The following DDX39A variants were observed in gnomAD, a reference collection of about 807,000 sequenced individuals.
DDX39A encodes DExD-box helicase 39A.
DDX39A carries 13 observed loss-of-function variants against 46.3 expected under a neutral mutation model. The ratio of observed to expected loss-of-function variants is 0.28; its 90% CI spans 0.18 to 0.45. The LOEUF (loss-of-function observed/expected upper bound fraction) is 0.45, where lower values mean the gene tolerates loss of function less well. DDX39A is among the 20% of genes least tolerant of loss of function. The pLI, the probability that DDX39A is intolerant of heterozygous loss-of-function variation, is 1.00. For synonymous variants in DDX39A, 234 were observed against 224.6 expected (o/e 1.04, Z -0.38); for missense variants, 352 against 581.8 (o/e 0.61, Z 4.06).
chr19:14,410,159 G>A lies in DDX39A; in HGVS notation c.732+57C>T, dbSNP rs1420394725. The A allele has an allele frequency of 1.0e-5, 16 of 1,527,536 alleles. No homozygotes were observed. The allele number at this position is 1,527,536 out of a possible 1,614,324, so 94.6% of individuals were successfully genotyped here. A position where few individuals can be genotyped will look rare whatever the true frequency, so the allele number is the denominator to read the frequency against. The stretch of plus-strand genomic sequence containing the variant: ...CATGTGGGCCGTGCGGGTGTCCTGG[G>A]GCCCCAGGCTCCAGGCCCCTGGGGA... On this transcript the variant is annotated intron_variant, in intron 6 of 10. Transcript: ENST00000242776. This position sits in a 1 kb window ranked among gnomAD's most constrained non-coding sequence, Gnocchi z 4.3.
intron 1 of DDX39A, among the ~76,000 whole-genome samples, chr19:14,414,700 C>T (rs755161635): frequency 5.3e-5 from 8 of 150,512 alleles, no homozygotes; most frequent in South Asian, 2.1e-4. Flanking sequence ...CGGTGGCTCA[C>T]GCCTGTAATC....
Position 14,410,035 on chromosome 19 carries a change from C to G in DDX39A, c.733-162G>C. Reference sequence around the variant, plus strand: ...CTCAAAAGCTGGATGTAAGCTCTGGCCCGACTCAGGTGTGGACCAAGCTTG... The same window carrying G: ...CTCAAAAGCTGGATGTAAGCTCTGGGCCGACTCAGGTGTGGACCAAGCTTG... On this transcript the variant is annotated intron_variant, in intron 6 of 10. Transcript: ENST00000242776. This position sits in a 1 kb window ranked among gnomAD's most constrained non-coding sequence, Gnocchi z 4.3. 9.0e-7 allele frequency: 1 copy of G among 1,113,134 alleles called. No homozygotes were observed. Among genetic ancestry groups the G allele is most frequent in the Non-Finnish European group, 1.3e-6 (1 of 742,388 alleles). The allele number at this position is 1,113,134 out of a possible 1,614,324, so 69.0% of individuals were successfully genotyped here. A position where few individuals can be genotyped will look rare whatever the true frequency, so the allele number is the denominator to read the frequency against.
Position 14,410,348 on chromosome 19 carries a change from G to A in DDX39A, c.614-14C>T. 6.2e-7 allele frequency: 1 copy of A among 1,608,822 alleles called. No individual in the cohort carries two copies. The highest frequency in any genetic ancestry group is 8.5e-7 in the Non-Finnish European group (1 of 1,175,300). ...CCCGCCGCATGTCTAGGTGGGGAGG[G>A]CAAGACATGGGTGGGCATGAGCGTC... On this transcript the variant is annotated splice_polypyrimidine_tract_variant and intron_variant, in intron 5 of 10. Coordinates refer to ENST00000242776, the MANE Select transcript of DDX39A (RefSeq NM_005804.4). This position sits in a 1 kb window ranked among gnomAD's most constrained non-coding sequence, Gnocchi z 4.3.
Position 14,413,283 on chromosome 19 carries a change from TTC to T in DDX39A, c.-4-61_-4-60del, listed in dbSNP as rs1451383303. On this transcript the variant is annotated intron_variant, in intron 1 of 10. Coordinates refer to ENST00000242776, the MANE Select transcript of DDX39A (RefSeq NM_005804.4). ...GGCACAGAAGGATGATGAAGCTTCA[TTC>T]AAATGGCATTCTCTGCCGCCTCCTT... 1.4e-5 allele frequency: 20 copies of T among 1,477,310 alleles called. No individual in the cohort carries two copies. In the East Asian group the frequency reaches 4.6e-4, roughly 34 times the overall value. The allele number at this position is 1,477,310 out of a possible 1,614,324, so 91.5% of individuals were successfully genotyped here. A position where few individuals can be genotyped will look rare whatever the true frequency, so the allele number is the denominator to read the frequency against.
chr19:14,408,997 C>A (rs1359810221), intron 10 of DDX39A, 40 bp downstream of exon 10: 1 of 1,612,598 alleles, frequency 6.2e-7, no homozygotes, highest in Non-Finnish European at 8.5e-7. Context: ...GGGGGAGGAA[C>A]CCTCTGCCCC....
chr19:14,410,559 G>A lies in DDX39A; in HGVS notation c.614-225C>T, dbSNP rs1370281025. On this transcript the variant is annotated intron_variant, in intron 5 of 10. Coordinates refer to ENST00000242776, the MANE Select transcript of DDX39A (RefSeq NM_005804.4). This position sits in a 1 kb window ranked among gnomAD's most constrained non-coding sequence, Gnocchi z 4.3. ...TGCAATCCACTTACACGCTGGCGCG[G>A]AGCAGCCGTGCCCGTGCGCCTCGAG... 1.8e-6 allele frequency: 1 copy of A among 568,664 alleles called. No individual in the cohort carries two copies. The highest frequency in any genetic ancestry group is 3.2e-6 in the Non-Finnish European group (1 of 315,162). The allele number at this position is 568,664 out of a possible 1,614,324, so 35.2% of individuals were successfully genotyped here. A position where few individuals can be genotyped will look rare whatever the true frequency, so the allele number is the denominator to read the frequency against.
intron 1 of DDX39A, chr19:14,414,131 C>T (rs1238630524): frequency 6.6e-6 from 1 of 152,076 alleles, no homozygotes; most frequent in Non-Finnish European, 1.5e-5. Context: ...CTTCCTGAGG[C>T]TGGATGCTGA....
intron 1 of DDX39A, among the ~76,000 whole-genome samples, chr19:14,418,600 G>A (rs996728542): frequency 1.3e-5 from 2 of 151,890 alleles, no homozygotes; most frequent in Non-Finnish European, 2.9e-5. Flanking sequence ...TGGGACCACA[G>A]GCGCTCGCCA....
In DDX39A at chr19:14,409,874, CTG is replaced by C; in HGVS notation, c.733-3_733-2del. The C allele has an allele frequency of 6.2e-7, 1 of 1,613,844 alleles. No homozygotes were observed. Among genetic ancestry groups the C allele is most frequent in the South Asian group, 1.1e-5 (1 of 91,074 alleles). On this transcript the variant is annotated splice_acceptor_variant and splice_polypyrimidine_tract_variant and intron_variant, in intron 6 of 10. Transcript: ENST00000242776. LOFTEE classifies it high-confidence loss of function. This position sits in a 1 kb window ranked among gnomAD's most constrained non-coding sequence, Gnocchi z 8.3. ...CGTCGTCCACAAACACCTCCATGGGCTGTGTGGGAAGGGAGGTGGGAGGGGCG... is the reference window on the plus strand; with the variant it reads ...CGTCGTCCACAAACACCTCCATGGGCTGTGGGAAGGGAGGTGGGAGGGGCG...
rs1976653545 is a variant in DDX39A at position 14,412,941 on chromosome 19, C to T, written c.208+72G>A. The T allele has an allele frequency of 9.9e-6, 15 of 1,522,290 alleles. No homozygotes were observed. The highest frequency in any genetic ancestry group is 1.8e-4 in the Middle Eastern group (1 of 5,706). 94.3% of individuals were successfully genotyped at this position (1,522,290 alleles called of 1,614,324 possible). On this transcript the variant is annotated intron_variant, in intron 2 of 10. Coordinates refer to ENST00000242776, the MANE Select transcript of DDX39A (RefSeq NM_005804.4). The surrounding 1 kb of genome is among the most constrained non-coding windows in gnomAD (Gnocchi z 4.4). ...ACCCACGGCAAACTGGAGGCGGCAC[C>T]GCTCTGGGCGGGCAGGGCTGGTCTT...
chr19:14,418,056 G>C (rs777606497), intron 1 of DDX39A, among the ~76,000 whole-genome samples: 3 of 147,660 alleles, frequency 2.0e-5, no homozygotes, highest in Non-Finnish European at 4.5e-5. Context: ...GGAAGACGGA[G>C]GCTGCAGTGA....
At position 14,409,757 on chromosome 19, in the gene DDX39A, C is replaced by T. The variant is rs1976487090; in HGVS notation, c.849G>A (p.Val283=). The T allele has an allele frequency of 6.2e-7, 1 of 1,614,180 alleles. No individual in the cohort carries two copies. Among genetic ancestry groups the T allele is most frequent in the Non-Finnish European group, 8.5e-7 (1 of 1,180,036 alleles). Reference sequence around the variant, plus strand: ...GAAGTATCACCTGGTTAAACTCCAGCACATCCAAGAGATCAAAGAGCTTGC... The same window carrying T: ...GAAGTATCACCTGGTTAAACTCCAGTACATCCAAGAGATCAAAGAGCTTGC... ...KNRKLFDLLD[V]LEFNQVIIFV... is the part of the protein sequence containing the mutation. Residue 283 remains valine, a synonymous_variant, in exon 7 of 11, where the codon GTG becomes GTA. Coordinates refer to ENST00000242776, the MANE Select transcript of DDX39A (RefSeq NM_005804.4). The surrounding 1 kb of genome is among the most constrained non-coding windows in gnomAD (Gnocchi z 8.3).
chr19:14,414,367 ATTATTG>A (rs1568329275), intron 1 of DDX39A, among the ~76,000 whole-genome samples: 2 of 138,756 alleles, frequency 1.4e-5, no homozygotes, highest in East Asian at 4.0e-4. Context: ...TATTATTATT[ATTATTG>A]AGATGAAGTC....
Position 14,408,806 on chromosome 19 carries a change from G to A in DDX39A, c.*130C>T. On this transcript the variant is annotated 3_prime_UTR_variant, in exon 11 of 11. Transcript: ENST00000242776. ...CCAAGATGACCAAGAAATAGATGGG[G>A]TGGGAGCCAGGCTTCCATAATAACA... The A allele has an allele frequency of 7.4e-7, 1 of 1,355,320 alleles. No homozygotes were observed. The highest frequency in any genetic ancestry group is 1.5e-5 in the South Asian group (1 of 64,768). The allele number at this position is 1,355,320 out of a possible 1,614,324, so 84.0% of individuals were successfully genotyped here.
In DDX39A at chr19:14,409,249, C is replaced by A. The variant is rs992761315; in HGVS notation, c.1119+54G>T. 14 of 1,612,762 alleles carry A rather than the reference C, an allele frequency of 8.7e-6. No homozygotes were observed. Among genetic ancestry groups the A allele is most frequent in the African/African-American group, 6.7e-5 (5 of 74,926 alleles). On this transcript the variant is annotated intron_variant, in intron 9 of 10. Coordinates refer to ENST00000242776, the MANE Select transcript of DDX39A (RefSeq NM_005804.4). The surrounding 1 kb of genome is among the most constrained non-coding windows in gnomAD (Gnocchi z 8.3). ...CCTCAGGACTTGAGGAAAAGCAGGG[C>A]TGGGGCCCCACCCCACCGCCAGGGG...
rs1976461721 is a variant in DDX39A, at chr19:14,409,457, A to G, written c.975-10T>C. 6.2e-7 allele frequency: 1 copy of G among 1,613,752 alleles called. No homozygotes were observed. The highest frequency in any genetic ancestry group is 8.5e-7 in the Non-Finnish European group (1 of 1,179,988). On this transcript the variant is annotated splice_polypyrimidine_tract_variant and intron_variant, in intron 8 of 10. Transcript: ENST00000242776. This position sits in a 1 kb window ranked among gnomAD's most constrained non-coding sequence, Gnocchi z 8.3. ...CTGATAGCGTGACAGGCTGGGGTGC[A>G]GGAGAAACAAGTGGAGGCCGTCAGA...
intron 1 of DDX39A, among the ~76,000 whole-genome samples, chr19:14,418,698 G>C (rs532163845): frequency 6.6e-6 from 1 of 152,186 alleles, no homozygotes; most frequent in South Asian, 2.1e-4. Flanking sequence ...CTGACCTCAA[G>C]TGATCCGCCC....
In DDX39A at chr19:14,410,166, G is replaced by C; in HGVS notation, c.732+50C>G. ...GCCGTGCGGGTGTCCTGGGGCCCCA[G>C]GCTCCAGGCCCCTGGGGAAGGCCAA... On this transcript the variant is annotated intron_variant, in intron 6 of 10. Coordinates refer to ENST00000242776, the MANE Select transcript of DDX39A (RefSeq NM_005804.4). This position sits in a 1 kb window ranked among gnomAD's most constrained non-coding sequence, Gnocchi z 4.3. The C allele has an allele frequency of 1.3e-6, 2 of 1,563,422 alleles. No homozygotes were observed. The highest frequency in any genetic ancestry group is 1.8e-6 in the Non-Finnish European group (2 of 1,135,950).
Position 14,419,261 on chromosome 19 carries a change from G to A in DDX39A, c.-5+9C>T, listed in dbSNP as rs1054985575. 2 of 276,478 alleles carry A rather than the reference G, an allele frequency of 7.2e-6. No homozygotes were observed. The highest frequency in any genetic ancestry group is 1.4e-5 in the Non-Finnish European group (2 of 138,502). 17.1% of individuals were successfully genotyped at this position (276,478 alleles called of 1,614,324 possible). On this transcript the variant is annotated intron_variant, in intron 1 of 10. Transcript: ENST00000242776. Reference sequence around the variant, plus strand: ...CACCGCGGCCCCGCGCCCGGGATCCGCTGCTCACCTGGCTCCCCGTTCTTC... The same window carrying A: ...CACCGCGGCCCCGCGCCCGGGATCCACTGCTCACCTGGCTCCCCGTTCTTC...
Sources: gnomAD v4.1 joint callset for allele counts (sites outside exome capture counted in the v4.1 genomes callset) on GRCh38, gnomAD v4.1.1 for gene constraint, Gnocchi (gnomAD v3.1) non-coding constraint, MANE v1.5 for transcripts, NCBI Gene and HGNC (gene_info 2026-07-23, HGNC 2026-07-21) for gene names.